ATP5PF: variants seen among roughly 807,000 people sequenced by gnomAD.
The protein encoded by ATP5PF is ATP synthase peripheral stalk subunit F6, mitochondrial.
ATP5PF carries 7 observed loss-of-function variants against 12.0 expected under a neutral mutation model. The observed-to-expected ratio is 0.58, with a 90% CI of 0.33 to 1.10. The LOEUF (loss-of-function observed/expected upper bound fraction) is 1.10, where lower values mean the gene tolerates loss of function less well. Among genes scored for constraint, ATP5PF ranks in the 50% least tolerant of loss-of-function variants. ATP5PF has a pLI of 0.03. For missense variants in ATP5PF, 120 were observed against 127.7 expected, an observed-to-expected ratio of 0.94 and a Z score of 0.29; for synonymous variants, 41 against 45.4, an observed-to-expected ratio of 0.90 and a Z score of 0.39.
intron 2 of ATP5PF, among the ~76,000 whole-genome samples, chr21:25,726,590 A>G (rs904414193): frequency 8.5e-4 from 129 of 152,352 alleles, no homozygotes; most frequent in Non-Finnish European, 2.6e-4. Flanking sequence ...ACCCCAGATC[A>G]TGGGAGGCCC....
upstream of ATP5PF, chr21:25,735,048 CA>C: frequency 7.5e-7 from 1 of 1,329,692 alleles, no homozygotes; most frequent in South Asian, 1.2e-5. Flanking sequence ...AGACAGAAGC[CA>C]AACAGGAGGA....
intron 3 of ATP5PF, 29 bp from the exon 4 acceptor site, chr21:25,724,706 C>T: frequency 1.3e-6 from 2 of 1,586,384 alleles, no homozygotes; most frequent in Non-Finnish European, 1.7e-6. Context: ...AAGGGTCAAG[C>T]TTAGCCAAAT....
chr21:25,729,863 AT>A (rs1223092345), intron 1 of ATP5PF, 62 bp from the exon 2 acceptor site: 2 of 1,499,314 alleles, frequency 1.3e-6, no homozygotes, highest in African/African-American at 2.8e-5. Flanking sequence ...CTCTAAATAT[AT>A]CATGAGAATC....
At chr21:25,733,485 C>A (rs2034866814) in intron 1 of ATP5PF, among the ~76,000 whole-genome samples, 1 of 152,072 alleles carries the variant, frequency 6.6e-6, no homozygotes, top group South Asian at 2.1e-4. Flanking sequence ...AGAGATCGTG[C>A]CACTGCAATC....
chr21:25,735,107 A>G, upstream of ATP5PF: 1 of 773,728 alleles, frequency 1.3e-6, no homozygotes, highest in Non-Finnish European at 2.2e-6. Context: ...AGCCTCCGCC[A>G]TCTTTTCTTC....
chr21:25,726,910 T>C (rs946138642), intron 2 of ATP5PF, among the ~76,000 whole-genome samples: 1 of 152,194 alleles, frequency 6.6e-6, no homozygotes, highest in African/African-American at 2.4e-5. Flanking sequence ...AAAAAATACA[T>C]AGGTGGCTCC....
At chr21:25,734,717 G>A (rs1430914517) in intron 1 of ATP5PF, 136 bp downstream of exon 1, 2 of 873,606 alleles carry the variant, frequency 2.3e-6, no homozygotes, top group African/African-American at 1.7e-5. Context: ...GTGACCCCGG[G>A]CCAGGCCGTG....
At chr21:25,725,628 G>C (rs1240382295) in intron 2 of ATP5PF, among the ~76,000 whole-genome samples, 3 of 151,970 alleles carry the variant, frequency 2.0e-5, no homozygotes, top group East Asian at 3.9e-4. Context: ...TTAGTAGAGA[G>C]GGGGTTTCAC....
intron 1 of ATP5PF, among the ~76,000 whole-genome samples, chr21:25,732,922 C>T (rs981725091): frequency 5.1e-5 from 6 of 117,396 alleles, no homozygotes; most frequent in Admixed American, 1.2e-4. Context: ...GCGGAGGTTG[C>T]GGTGAGCCGA....
chr21:25,734,322 T>G (rs1306979901), intron 1 of ATP5PF: 1 of 986,126 alleles, frequency 1.0e-6, no homozygotes, highest in East Asian at 1.1e-4. Flanking sequence ...CTATTTATAG[T>G]GATGACTGAC....
At chr21:25,724,795 A>C in intron 3 of ATP5PF, 118 bp from the exon 4 acceptor site, 1 of 997,872 alleles carries the variant, frequency 1.0e-6, no homozygotes, top group Non-Finnish European at 1.5e-6. Context: ...ACTGTTTGTA[A>C]ACATTTACAT....
upstream of ATP5PF, chr21:25,735,287 C>A: frequency 2.6e-6 from 1 of 380,966 alleles, no homozygotes; most frequent in South Asian, 3.8e-5. Flanking sequence ...TAAAACAAAG[C>A]GGATTGGGGC....
rs527470463 is a variant in ATP5PF, at chr21:25,726,723, A to G, written c.165-1373T>C. 1.1e-4 allele frequency among the ~76,000 whole-genome samples: 16 copies of G among 152,352 alleles called. No homozygotes were observed. In the South Asian group the frequency reaches 3.3e-3, roughly 32 times the overall value. On this transcript the variant is annotated intron_variant, in intron 2 of 3. Transcript: ENST00000284971. ...CCAGCAGCAGGGCCAACTGGGTCTC[A>G]TTAATTCTTTGAAGAAATTCTTCTG...
At chr21:25,735,229 C>G, upstream of ATP5PF, 1 of 581,288 alleles carries the variant, frequency 1.7e-6, no homozygotes, top group Non-Finnish European at 3.1e-6. Flanking sequence ...GCGTCCTGTT[C>G]GTTAGGGTTA....
At chr21:25,729,925 C>A (rs1382900380) in intron 1 of ATP5PF, 124 bp from the exon 2 acceptor site, 6 of 1,117,832 alleles carry the variant, frequency 5.4e-6, no homozygotes, top group Non-Finnish European at 7.4e-6. Context: ...TCAGTCTATA[C>A]CTGACCACAG....
At chr21:25,725,438 C>CG in intron 2 of ATP5PF, 88 bp from the exon 3 acceptor site, 1 of 1,033,226 alleles carries the variant, frequency 9.7e-7, no homozygotes, top group Non-Finnish European at 1.3e-6. Context: ...TCCAACAGAT[C>CG]TTTTTTTTTT....
chr21:25,735,291 T>C (rs1302028718), upstream of ATP5PF: 3 of 372,588 alleles, frequency 8.1e-6, no homozygotes, highest in Admixed American at 8.2e-5. Context: ...ACAAAGCGGA[T>C]TGGGGCGTTG....
rs1469146523 is a variant in ATP5PF at position 25,729,116 on chromosome 21, A to T, written c.164+515T>A. Among the ~76,000 whole-genome samples the T allele has an allele frequency of 2.0e-5, 3 of 152,176 alleles. No homozygotes were observed. In the South Asian group the frequency reaches 6.2e-4, roughly 32 times the overall value. On this transcript the variant is annotated intron_variant, in intron 2 of 3. Transcript: ENST00000284971. Reference sequence around the variant, plus strand: ...CAGAGTCTTTTGTCCTTTAATATACATTCTCAGAGATCTGTAACTATGGAA... The same window carrying T: ...CAGAGTCTTTTGTCCTTTAATATACTTTCTCAGAGATCTGTAACTATGGAA...
intron 1 of ATP5PF, among the ~76,000 whole-genome samples, chr21:25,732,508 C>T (rs1248660663): frequency 1.3e-5 from 2 of 150,558 alleles, no homozygotes; most frequent in Admixed American, 6.6e-5. Flanking sequence ...TAGCCAAGTG[C>T]GGTGGTGGGT....
Sources: allele counts gnomAD v4.1 joint callset (sites outside exome capture counted in the v4.1 genomes callset), GRCh38; gene constraint gnomAD v4.1.1; transcripts MANE v1.5; gene names NCBI Gene and HGNC (gene_info 2026-07-23, HGNC 2026-07-21).